Variants in GABRB1 observed in about 807,000 individuals in gnomAD.
GABRB1 encodes gamma-aminobutyric acid type A receptor subunit beta1.
GABRB1 carries 17 observed loss-of-function variants against 51.6 expected under a neutral mutation model. The ratio of observed to expected loss-of-function variants is 0.33; its 90% CI spans 0.23 to 0.49. The LOEUF is 0.49. Among genes scored for constraint, GABRB1 ranks in the 20% least tolerant of loss-of-function variants. GABRB1 has a pLI of 0.99. For missense variants in GABRB1, 410 were observed against 600.6 expected (o/e 0.68, Z 3.32); for synonymous variants, 247 against 218.9 (o/e 1.13, Z -1.14).
intron 4 of GABRB1, among the ~76,000 whole-genome samples, chr4:47,306,572 T>TA (rs1313807480): frequency 6.6e-6 from 1 of 152,054 alleles, no homozygotes; most frequent in Non-Finnish European, 1.5e-5. Context: ...TTCCTTCCCC[T>TA]ACCTCTCCCT....
At chr4:47,040,860 G>T (rs1039677347) in intron 3 of GABRB1, among the ~76,000 whole-genome samples, 2 of 152,096 alleles carry the variant, frequency 1.3e-5, no homozygotes, top group South Asian at 4.1e-4. Flanking sequence ...TTTTTATCTA[G>T]GAGGACCTAG....
At chr4:47,364,076 C>A (rs1578124057) in intron 5 of GABRB1, among the ~76,000 whole-genome samples, 1 of 152,274 alleles carries the variant, frequency 6.6e-6, no homozygotes, top group Non-Finnish European at 1.5e-5. Context: ...GGTCTAAATT[C>A]ACACAATAAA....
intron 4 of GABRB1, among the ~76,000 whole-genome samples, chr4:47,242,928 T>C (rs1486985987): frequency 6.6e-6 from 1 of 152,228 alleles, no homozygotes; most frequent in African/African-American, 2.4e-5. Context: ...TCGTTGCCAT[T>C]GCTTTTCGTG....
intron 3 of GABRB1, among the ~76,000 whole-genome samples, chr4:47,111,423 T>C (rs1715205100): frequency 1.3e-5 from 2 of 149,894 alleles, no homozygotes; most frequent in South Asian, 2.1e-4. Context: ...TATCTATATA[T>C]ATGAATTTAT....
chr4:47,332,526 A>C (rs1292939813), intron 5 of GABRB1, among the ~76,000 whole-genome samples: 2 of 152,168 alleles, frequency 1.3e-5, no homozygotes, highest in African/African-American at 2.4e-5. Context: ...TTCCACATTT[A>C]AGTTACATTA....
At chr4:47,307,568 T>C (rs1405360975) in intron 4 of GABRB1, among the ~76,000 whole-genome samples, 3 of 151,830 alleles carry the variant, frequency 2.0e-5, no homozygotes, top group African/African-American at 7.2e-5. Context: ...TATACCTCCT[T>C]CCAAAAAAGT....
intron 4 of GABRB1, among the ~76,000 whole-genome samples, chr4:47,259,703 C>T (rs1422318961): frequency 1.3e-5 from 2 of 152,072 alleles, no homozygotes; most frequent in African/African-American, 2.4e-5. Flanking sequence ...TTATAGGTTC[C>T]AGAATAACCT....
intron 1 of GABRB1, among the ~76,000 whole-genome samples, chr4:47,000,522 T>C (rs1383949807): frequency 6.6e-6 from 1 of 152,190 alleles, no homozygotes; most frequent in East Asian, 1.9e-4. Flanking sequence ...ACAGTGCACA[T>C]AGTTTGACTA....
At chr4:47,277,363 G>A (rs546191348) in intron 4 of GABRB1, among the ~76,000 whole-genome samples, 14 of 152,150 alleles carry the variant, frequency 9.2e-5, no homozygotes, top group Non-Finnish European at 1.8e-4. Flanking sequence ...GCAGAGGCTC[G>A]GAAGGATAGT....
chr4:46,994,718 G>A (rs1412827806), intron 1 of GABRB1, among the ~76,000 whole-genome samples: 2 of 152,154 alleles, frequency 1.3e-5, no homozygotes, highest in Non-Finnish European at 2.9e-5. Flanking sequence ...GGGGAAAAGC[G>A]TCTTTCAAAT....
chr4:47,160,813 G>T (rs1377479901), intron 3 of GABRB1, among the ~76,000 whole-genome samples: 1 of 151,114 alleles, frequency 6.6e-6, no homozygotes, highest in Non-Finnish European at 1.5e-5. Flanking sequence ...TAGAGACAAG[G>T]TATTGCTCCA....
chr4:47,026,979 T>C (rs1725114047), upstream of GABRB1, among the ~76,000 whole-genome samples: 1 of 151,944 alleles, frequency 6.6e-6, no homozygotes, highest in South Asian at 2.1e-4. Flanking sequence ...TGTCTTCATC[T>C]TTAAAACAGA....
chr4:47,014,886 G>A (rs1329514700), intron 1 of GABRB1, among the ~76,000 whole-genome samples: 8 of 122,616 alleles, frequency 6.5e-5, no homozygotes, highest in Non-Finnish European at 1.4e-4. Context: ...ATAGTATTTA[G>A]TAGCTGTATT....
upstream of GABRB1, among the ~76,000 whole-genome samples, chr4:47,027,075 A>G (rs1725124064): frequency 6.6e-6 from 1 of 151,704 alleles, no homozygotes; most frequent in Admixed American, 6.6e-5. Flanking sequence ...TAATAAGCCT[A>G]TTAAAATGTT....
intron 1 of GABRB1, among the ~76,000 whole-genome samples, chr4:46,998,638 G>A (rs1490347463): frequency 6.6e-6 from 1 of 151,274 alleles, no homozygotes; most frequent in Non-Finnish European, 1.5e-5. Context: ...GGAGGCTGAG[G>A]CAGGAGAATG....
chr4:47,179,536 T>C (rs1718857576), intron 4 of GABRB1, among the ~76,000 whole-genome samples: 1 of 152,238 alleles, frequency 6.6e-6, no homozygotes, highest in Non-Finnish European at 1.5e-5. Flanking sequence ...CCAACCCAAA[T>C]GGGCCATACT....
At chr4:47,046,036 A>G (rs867247243) in intron 3 of GABRB1, among the ~76,000 whole-genome samples, 21 of 152,164 alleles carry the variant, frequency 1.4e-4, no homozygotes, top group South Asian at 1.0e-3. Context: ...TGCTGTTTGC[A>G]TGATAGTGAG....
At chr4:47,325,698 T>C (rs924576450) in intron 5 of GABRB1, among the ~76,000 whole-genome samples, 3 of 152,182 alleles carry the variant, frequency 2.0e-5, no homozygotes, top group African/African-American at 7.2e-5. Context: ...CCACCATAGT[T>C]CTTTTGGCTT....
chr4:47,173,999 C>CT (rs1466494626), intron 4 of GABRB1, among the ~76,000 whole-genome samples: 5 of 152,050 alleles, frequency 3.3e-5, no homozygotes, highest in Non-Finnish European at 7.4e-5. Flanking sequence ...TCCTTAATTA[C>CT]TAATCAGAAT....
Sources: allele counts gnomAD v4.1 joint callset (sites outside exome capture counted in the v4.1 genomes callset), GRCh38; gene constraint gnomAD v4.1.1; transcripts MANE v1.5; gene names NCBI Gene and HGNC (gene_info 2026-07-23, HGNC 2026-07-21).